WNK4: variants seen among roughly 807,000 people sequenced by gnomAD.
The protein encoded by WNK4 is serine/threonine-protein kinase WNK4.
A neutral mutation model predicts 116.2 loss-of-function variants in WNK4; 94 were observed. That is an observed-to-expected ratio of 0.81 (90% CI 0.68 to 0.96). The LOEUF is 0.96. WNK4 is among the 40% of genes least tolerant of loss of function. WNK4 has a pLI of 0.00. For synonymous variants in WNK4, 655 were observed against 672.7 expected (o/e 0.97, Z 0.41); for missense variants, 1,542 against 1,650.6 (o/e 0.93, Z 1.14).
chr17:42,782,026 C>T lies in WNK4; in HGVS notation c.618+710C>T, dbSNP rs1195979885. Among the ~76,000 whole-genome samples the T allele has an allele frequency of 6.6e-6, 1 of 152,214 alleles. No individual in the cohort carries two copies. Among genetic ancestry groups the T allele is most frequent in the Non-Finnish European group, 1.5e-5 (1 of 68,030 alleles). On this transcript the variant is annotated intron_variant, in intron 1 of 18. Transcript: ENST00000246914. This position sits in a 1 kb window ranked among gnomAD's most constrained non-coding sequence, Gnocchi z 4.2. The stretch of plus-strand genomic sequence containing the variant: ...CCTTCCTCCCATTGCTCCCATGCTA[C>T]ATATGGGTTAGGAGAACCCAGTCAA...
rs1169347836 is a variant in WNK4 at position 42,780,947 on chromosome 17, C to G, written c.249C>G (p.Pro83=). 1 of 1,610,332 alleles carries G rather than the reference C, an allele frequency of 6.2e-7. No homozygotes were observed. Among genetic ancestry groups the G allele is most frequent in the Non-Finnish European group, 8.5e-7 (1 of 1,179,752 alleles). ...TGCCAGCCTCACCCGCTCCGGACCC[C>G]CCCGATCCTCCGGACTCCGCTGGTC... ...WSLPASPAPD[P]PDPPDSAGPG... The change falls in exon 1 of 19, where the codon CCC becomes CCG. Residue 83 remains proline, a synonymous_variant. Transcript: ENST00000246914.
rs1275729639 is a variant in WNK4 at position 42,784,035 on chromosome 17, C to G, written c.890C>G (p.Pro297Arg). ...CATTTCCTACACTCCCGGGTTCCTC[C>G]CATCCTGCACCGGGATCTCAAGTGC... ...GLHFLHSRVP[P>R]ILHRDLKCDN... The change falls in exon 3 of 19, where the codon CCC (proline) becomes CGC (arginine). Residue 297 changes from proline to arginine, a missense_variant. Transcript: ENST00000246914. This position sits in a 1 kb window ranked among gnomAD's most constrained non-coding sequence, Gnocchi z 4.4. 1 of 1,613,878 alleles carries G rather than the reference C, an allele frequency of 6.2e-7. No individual in the cohort carries two copies. The highest frequency in any genetic ancestry group is 8.5e-7 in the Non-Finnish European group (1 of 1,180,040).
intron 6 of WNK4, 116 bp downstream of exon 6, chr17:42,785,598 AC>A: frequency 8.0e-7 from 1 of 1,251,026 alleles, no homozygotes; most frequent in Middle Eastern, 2.7e-4. Flanking sequence ...GGGGCACCTC[AC>A]CCCTCTCAAA....
chr17:42,789,128 G>A (rs756001398), intron 11 of WNK4, among the ~76,000 whole-genome samples: 3 of 152,136 alleles, frequency 2.0e-5, no homozygotes, highest in Non-Finnish European at 4.4e-5. Flanking sequence ...GCTTACCCAG[G>A]ATCTTGGCAA....
Position 42,784,693 on chromosome 17 carries a change from A to G in WNK4, c.1170+114A>G. The G allele has an allele frequency of 2.9e-6, 4 of 1,392,794 alleles. No individual in the cohort carries two copies. Among genetic ancestry groups the G allele is most frequent in the Non-Finnish European group, 4.0e-6 (4 of 1,007,296 alleles). The allele number at this position is 1,392,794 out of a possible 1,614,324, so 86.3% of individuals were successfully genotyped here. A position where few individuals can be genotyped will look rare whatever the true frequency, so the allele number is the denominator to read the frequency against. On this transcript the variant is annotated intron_variant, in intron 4 of 18. Coordinates refer to ENST00000246914, the MANE Select transcript of WNK4 (RefSeq NM_032387.5). This position sits in a 1 kb window ranked among gnomAD's most constrained non-coding sequence, Gnocchi z 4.4. ...CTGCACGAAAACAGGCTAGACACAG[A>G]GTCGCCTTGGTGAACACAGAAGGAT... is the stretch of plus-strand genomic sequence containing the variant.
At chr17:42,787,001 C>T (rs2054556242) in intron 6 of WNK4, among the ~76,000 whole-genome samples, 1 of 152,220 alleles carries the variant, frequency 6.6e-6, no homozygotes, top group Non-Finnish European at 1.5e-5. Context: ...TAGTGCCAAA[C>T]ATCTCTTCTT....
chr17:42,783,980 C>T lies in WNK4; in HGVS notation c.835C>T (p.Arg279Cys). The stretch of plus-strand genomic sequence containing the variant: ...GGAGATGAAGCCGCGGGTCCTTCAG[C>T]GCTGGAGCCGCCAAATCCTGCGGGG... ...FREMKPRVLQ[R>C]WSRQILRGLH... The change falls in exon 3 of 19, where the codon CGC (arginine) becomes TGC (cysteine). Residue 279 changes from arginine to cysteine, a missense_variant. Physicochemically the swap from Arg to Cys is radical, Grantham distance 180. Transcript: ENST00000246914. The T allele has an allele frequency of 6.2e-7, 1 of 1,614,022 alleles. No homozygotes were observed. The highest frequency in any genetic ancestry group is 2.2e-5 in the East Asian group (1 of 44,874).
At chr17:42,789,709 T>G (rs952633785) in intron 11 of WNK4, among the ~76,000 whole-genome samples, 1 of 148,428 alleles carries the variant, frequency 6.7e-6, no homozygotes, top group African/African-American at 2.5e-5. Context: ...AATAAATAAA[T>G]AGAGAGGCAG....
rs1327928736 is a variant in WNK4 at position 42,782,201 on chromosome 17, G to T, written c.619-557G>T. Among the ~76,000 whole-genome samples, 1 of 151,894 alleles carries T rather than the reference G, an allele frequency of 6.6e-6. No homozygotes were observed. The highest frequency in any genetic ancestry group is 2.4e-5 in the African/African-American group (1 of 41,382). On this transcript the variant is annotated intron_variant, in intron 1 of 18. Coordinates refer to ENST00000246914, the MANE Select transcript of WNK4 (RefSeq NM_032387.5). This position sits in a 1 kb window ranked among gnomAD's most constrained non-coding sequence, Gnocchi z 4.2. ...CCAGGAGAGGCAGCCAAATTGGGGG[G>T]TGAGGGGAGGGAGAGGAGCCGGGGC... is the stretch of plus-strand genomic sequence containing the variant.
rs2054520250 is a variant in WNK4, at chr17:42,784,479, A to G, written c.1070A>G (p.Asp357Gly). Reference sequence around the variant, plus strand: ...GAGGAAAAGTACGATGAGGCCGTGGACGTGTACGCGTTCGGCATGTGCATG... The same window carrying G: ...GAGGAAAAGTACGATGAGGCCGTGGGCGTGTACGCGTTCGGCATGTGCATG... The part of the protein sequence containing the change: ...MYEEKYDEAV[D>G]VYAFGMCMLE... The change falls in exon 4 of 19, where the codon GAC (aspartate) becomes GGC (glycine). Residue 357 changes from aspartate (D) to glycine (G), a missense_variant. Coordinates refer to ENST00000246914, the MANE Select transcript of WNK4 (RefSeq NM_032387.5). This position sits in a 1 kb window ranked among gnomAD's most constrained non-coding sequence, Gnocchi z 4.4. The G allele has an allele frequency of 6.2e-7, 1 of 1,613,716 alleles. No individual in the cohort carries two copies. The highest frequency in any genetic ancestry group is 8.5e-7 in the Non-Finnish European group (1 of 1,179,942).
At position 42,787,462 on chromosome 17, in the gene WNK4, TC is replaced by T; in HGVS notation, c.1667del (p.Pro556LeufsTer105). The T allele has an allele frequency of 7.3e-7, 1 of 1,361,584 alleles. No individual in the cohort carries two copies. Among genetic ancestry groups the T allele is most frequent in the East Asian group, 4.2e-5 (1 of 23,626 alleles). The allele number at this position is 1,361,584 out of a possible 1,614,324, so 84.3% of individuals were successfully genotyped here. A position where few individuals can be genotyped will look rare whatever the true frequency, so the allele number is the denominator to read the frequency against. On this transcript the variant is annotated frameshift_variant, in exon 7 of 19. Coordinates refer to ENST00000246914, the MANE Select transcript of WNK4 (RefSeq NM_032387.5). LOFTEE classifies it high-confidence loss of function. ...ATGGCCCCCGGTCCCCCCAGTGTCT[TC>T]CCCCCTGAGCCTGAGGAGCCAGAGG... is the stretch of plus-strand genomic sequence containing the variant. Reference protein sequence around the residue: ...VPMAPGPPSVFPPEPEEPEAD... With the variant: ...VPMAPGPPSVXPPEPEEPEAD...
chr17:42,796,405 C>T (rs1202401643), intron 17 of WNK4, 76 bp from the exon 18 acceptor site: 2 of 1,613,292 alleles, frequency 1.2e-6, no homozygotes, highest in African/African-American at 1.3e-5. Flanking sequence ...TGGGGGTCTG[C>T]CCCGGGGGAA....
rs1445098705 is a variant in WNK4, at chr17:42,780,772, C to A, written c.74C>A (p.Pro25Gln). 6.2e-7 allele frequency: 1 copy of A among 1,607,266 alleles called. No individual in the cohort carries two copies. The highest frequency in any genetic ancestry group is 1.1e-5 in the South Asian group (1 of 91,028). The part of the protein sequence containing the change: ...QTEADLALRP[P>Q]PPLGTAGQPR... ...GAGGCCGACCTGGCCCTGCGGCCCC[C>A]GCCTCCTCTTGGCACCGCGGGGCAG... The change falls in exon 1 of 19, where the codon CCG becomes CAG. Residue 25 changes from proline (P) to glutamine (Q), a missense_variant. Transcript: ENST00000246914.
Position 42,791,069 on chromosome 17 carries a change from C to G in WNK4, c.2157+2272C>G, listed in dbSNP as rs149967635. On this transcript the variant is annotated intron_variant, in intron 11 of 18. Transcript: ENST00000246914. Reference sequence around the variant, plus strand: ...TCCACCTCCTTAAGGGTCTCTCACTCGTAGAGCCTTCTGTATTGGGCTTTC... The same window carrying G: ...TCCACCTCCTTAAGGGTCTCTCACTGGTAGAGCCTTCTGTATTGGGCTTTC... Among the ~76,000 whole-genome samples, 262 of 152,238 alleles carry G rather than the reference C, an allele frequency of 1.7e-3. 1 individual carries two copies. The highest frequency in any genetic ancestry group is 0.01 in the Middle Eastern group (3 of 294).
At chr17:42,783,598 C>T (rs2054507852) in intron 2 of WNK4, 3 of 387,084 alleles carry the variant, frequency 7.8e-6, no homozygotes, top group Admixed American at 3.9e-5. Context: ...CACCTTTGAG[C>T]TCCTACTCAT....
intron 11 of WNK4, among the ~76,000 whole-genome samples, chr17:42,791,749 C>T (rs1292046378): frequency 6.6e-6 from 1 of 152,014 alleles, no homozygotes; most frequent in African/African-American, 2.4e-5. Context: ...CACTTGAGGT[C>T]AGGAGTTCGA....
Position 42,795,131 on chromosome 17 carries a change from C to T in WNK4, c.2710C>T (p.Pro904Ser). The change falls in exon 14 of 19, where the codon CCT (proline) becomes TCT (serine). Residue 904 changes from proline to serine, a missense_variant. Physicochemically the swap from Pro to Ser is moderately conservative, Grantham distance 74 (BLOSUM62 -1). Transcript: ENST00000246914. Reference sequence around the variant, plus strand: ...TTGTTCTCAGGTCACTCTTAGTTCCCCTTTCTTTCCTCCGTGCCCCTCCAC... The same window carrying T: ...TTGTTCTCAGGTCACTCTTAGTTCCTCTTTCTTTCCTCCGTGCCCCTCCAC... ...PTCSQVTLSS[P>S]FFPPCPSTSS... The T allele has an allele frequency of 1.2e-6, 2 of 1,614,076 alleles. No individual in the cohort carries two copies. Among genetic ancestry groups the T allele is most frequent in the Non-Finnish European group, 1.7e-6 (2 of 1,180,004 alleles).
intron 11 of WNK4, among the ~76,000 whole-genome samples, chr17:42,790,979 TC>T (rs1367109699): frequency 6.6e-6 from 1 of 152,150 alleles, no homozygotes; most frequent in Non-Finnish European, 1.5e-5. Flanking sequence ...TTCAGAGTCT[TC>T]CATCCAGCCA....
rs144727181 is a variant in WNK4, at chr17:42,793,800, C to T, written c.2295+71C>T. 14,660 of 1,595,394 alleles carry T rather than the reference C, an allele frequency of 9.2e-3. 98 individuals carry two copies. Among genetic ancestry groups the T allele is most frequent in the Non-Finnish European group, 0.011 (12,415 of 1,166,644 alleles). On this transcript the variant is annotated intron_variant, in intron 12 of 18. Coordinates refer to ENST00000246914, the MANE Select transcript of WNK4 (RefSeq NM_032387.5). ...TCCAGGGTTTATTACTCTCTGCCCT[C>T]AGCGGTCCCCTTGGATTTAACTCCT...
Sources: allele counts gnomAD v4.1 joint callset (sites outside exome capture counted in the v4.1 genomes callset), GRCh38; gene constraint gnomAD v4.1.1; non-coding constraint Gnocchi (gnomAD v3.1); transcripts MANE v1.5; gene names NCBI Gene and HGNC (gene_info 2026-07-23, HGNC 2026-07-21).